The following CHRM3 variants were observed in gnomAD, a reference collection of about 807,000 sequenced individuals.
CHRM3 encodes the protein cholinergic receptor muscarinic 3.
In CHRM3, 11 loss-of-function variants were observed where a neutral mutation model predicts 41.8. The observed-to-expected ratio is 0.26, with a 90% CI of 0.17 to 0.44. CHRM3 has a LOEUF of 0.44. CHRM3 is among the 20% of genes least tolerant of loss of function. The pLI is 1.00. For synonymous variants in CHRM3, 297 were observed against 301.4 expected (o/e 0.99, Z 0.15); for missense variants, 571 against 745.4 (o/e 0.77, Z 2.72).
At chr1:239,687,612 G>A (rs937246911) in intron 5 of CHRM3, among the ~76,000 whole-genome samples, 25 of 152,010 alleles carry the variant, frequency 1.6e-4, no homozygotes, top group African/African-American at 5.8e-4. Flanking sequence ...TTTAACCAGG[G>A]ACAGTTAAGA....
chr1:239,536,738 T>C (rs1050672261), intron 2 of CHRM3, among the ~76,000 whole-genome samples: 2 of 152,212 alleles, frequency 1.3e-5, no homozygotes, highest in Non-Finnish European at 2.9e-5. Flanking sequence ...GCCTTCTTAC[T>C]GTATTTCCAG....
chr1:239,472,572 G>T (rs974837455), intron 1 of CHRM3, among the ~76,000 whole-genome samples: 1 of 152,154 alleles, frequency 6.6e-6, no homozygotes, highest in African/African-American at 2.4e-5. Flanking sequence ...TAACAACTTT[G>T]CAGGGACATG....
chr1:239,749,175 C>T (rs529690024), intron 5 of CHRM3, among the ~76,000 whole-genome samples: 1 of 152,278 alleles, frequency 6.6e-6, no homozygotes, highest in African/African-American at 2.4e-5. Flanking sequence ...TATAGGTGGT[C>T]AAACTTTACC....
At chr1:239,591,086 A>G (rs1201805417) in intron 3 of CHRM3, among the ~76,000 whole-genome samples, 1 of 152,212 alleles carries the variant, frequency 6.6e-6, no homozygotes, top group African/African-American at 2.4e-5. Context: ...TTACATTGAA[A>G]GTTATGGAAA....
chr1:239,535,364 C>G (rs1658094356), intron 2 of CHRM3, among the ~76,000 whole-genome samples: 1 of 151,560 alleles, frequency 6.6e-6, no homozygotes, highest in Admixed American at 6.6e-5. Flanking sequence ...TCTTCTCTCT[C>G]CAAAGGGAGA....
chr1:239,547,422 CACTT>C (rs1456272939), intron 3 of CHRM3, among the ~76,000 whole-genome samples: 1 of 152,170 alleles, frequency 6.6e-6, no homozygotes, highest in African/African-American at 2.4e-5. Context: ...AGCAGTGTGA[CACTT>C]ACTAAGTTAT....
At chr1:239,663,896 A>G (rs1299257272) in intron 4 of CHRM3, among the ~76,000 whole-genome samples, 1 of 152,180 alleles carries the variant, frequency 6.6e-6, no homozygotes, top group Non-Finnish European at 1.5e-5. Context: ...ATAGCTAGGG[A>G]ACCAGTAGGA....
intron 5 of CHRM3, among the ~76,000 whole-genome samples, chr1:239,716,897 G>A (rs922428626): frequency 2.0e-5 from 3 of 151,998 alleles, no homozygotes; most frequent in Admixed American, 6.6e-5. Context: ...GTTTAGATTT[G>A]TTATTAATAG....
intron 3 of CHRM3, among the ~76,000 whole-genome samples, chr1:239,611,682 G>A (rs942897368): frequency 3.9e-5 from 6 of 152,090 alleles, no homozygotes; most frequent in Non-Finnish European, 5.9e-5. Context: ...GCCTCCCAAA[G>A]TGCTGGGATT....
At chr1:239,757,467 A>T (rs558307853) in intron 5 of CHRM3, among the ~76,000 whole-genome samples, 22 of 152,126 alleles carry the variant, frequency 1.4e-4, no homozygotes, top group African/African-American at 5.1e-4. Flanking sequence ...CGTCTCTACT[A>T]AAAATACAAA....
intron 5 of CHRM3, chr1:239,703,096 T>A (rs1390988179): frequency 1.3e-5 from 2 of 152,210 alleles, no homozygotes; most frequent in African/African-American, 2.4e-5. Context: ...GGCTTGATGT[T>A]CTAAAAAGAG....
chr1:239,503,861 C>G (rs146797902), intron 2 of CHRM3, among the ~76,000 whole-genome samples: 1 of 152,040 alleles, frequency 6.6e-6, no homozygotes, highest in Non-Finnish European at 1.5e-5. Flanking sequence ...ATTGGCTAGC[C>G]ACATGTAGGA....
At chr1:239,398,204 T>C (rs572589007) in intron 1 of CHRM3, among the ~76,000 whole-genome samples, 105 of 152,240 alleles carry the variant, frequency 6.9e-4, no homozygotes, top group African/African-American at 2.5e-3. Flanking sequence ...TAGGAGACTT[T>C]TGCAGTCTGG....
At chr1:239,643,977 T>G (rs1487047244) in intron 4 of CHRM3, among the ~76,000 whole-genome samples, 1 of 152,252 alleles carries the variant, frequency 6.6e-6, no homozygotes, top group East Asian at 1.9e-4. Context: ...ATAGAAAATG[T>G]AAAAACCTAT....
intron 1 of CHRM3, among the ~76,000 whole-genome samples, chr1:239,413,167 G>C (rs1449370891): frequency 6.6e-6 from 1 of 151,770 alleles, no homozygotes; most frequent in East Asian, 1.9e-4. Context: ...GTCTAACCAA[G>C]CCTTACTGGT....
intron 5 of CHRM3, among the ~76,000 whole-genome samples, chr1:239,712,156 G>T (rs193122494): frequency 6.6e-6 from 1 of 152,138 alleles, no homozygotes; most frequent in East Asian, 1.9e-4. Context: ...CATGAGCATA[G>T]GATCAATAAT....
At chr1:239,636,480 A>G (rs1457554720) in intron 4 of CHRM3, among the ~76,000 whole-genome samples, 1 of 152,200 alleles carries the variant, frequency 6.6e-6, no homozygotes, top group African/African-American at 2.4e-5. Context: ...GAAAATGAAA[A>G]CTAGAAAAAC....
intron 2 of CHRM3, among the ~76,000 whole-genome samples, chr1:239,542,032 C>T (rs1373495480): frequency 6.6e-6 from 1 of 151,894 alleles, no homozygotes; most frequent in Non-Finnish European, 1.5e-5. Flanking sequence ...CAGAGTAGGC[C>T]GGTAGATAGG....
intron 6 of CHRM3, among the ~76,000 whole-genome samples, chr1:239,893,430 C>A (rs1020111395): frequency 7.9e-5 from 12 of 152,122 alleles, no homozygotes; most frequent in African/African-American, 2.9e-4. Context: ...GGAAATAGAC[C>A]TGAGAGCCAG....
Sources: gnomAD v4.1 joint callset for allele counts (sites outside exome capture counted in the v4.1 genomes callset) on GRCh38, gnomAD v4.1.1 for gene constraint, MANE v1.5 for transcripts, NCBI Gene and HGNC (gene_info 2026-07-23, HGNC 2026-07-21) for gene names.